CDK14: variants seen among roughly 807,000 people sequenced by gnomAD.
The protein encoded by CDK14 is cyclin-dependent kinase 14.
CDK14 carries 34 observed loss-of-function variants against 60.7 expected under a neutral mutation model. The ratio of observed to expected loss-of-function variants is 0.56; its 90% CI spans 0.43 to 0.75. The LOEUF is 0.75. Among genes scored for constraint, CDK14 ranks in the 30% least tolerant of loss-of-function variants. The probability of loss-of-function intolerance (pLI) is 0.00; values close to 1 mark genes in which losing one functional copy is unlikely to be tolerated. For synonymous variants in CDK14, 197 were observed against 203.7 expected, an observed-to-expected ratio of 0.97 and a Z score of 0.28; for missense variants, 482 against 564.1, an observed-to-expected ratio of 0.85 and a Z score of 1.47.
intron 14 of CDK14, among the ~76,000 whole-genome samples, chr7:91,177,559 C>T (rs1184270005): frequency 6.6e-6 from 1 of 152,098 alleles, no homozygotes; most frequent in Admixed American, 6.6e-5. Flanking sequence ...ATCTAGAAAA[C>T]CCCATTGTCT....
At chr7:91,078,999 A>G (rs748298946) in intron 11 of CDK14, among the ~76,000 whole-genome samples, 8 of 152,232 alleles carry the variant, frequency 5.3e-5, no homozygotes, top group African/African-American at 2.4e-5. Flanking sequence ...TATAAATACC[A>G]TACAATATAG....
intron 11 of CDK14, 58 bp from the exon 12 acceptor site, chr7:91,079,374 A>C: frequency 8.5e-7 from 1 of 1,179,402 alleles, no homozygotes; most frequent in Non-Finnish European, 1.2e-6. Flanking sequence ...TTTTCAACAT[A>C]CTTGTAATAT....
intron 14 of CDK14, among the ~76,000 whole-genome samples, chr7:91,166,582 G>C (rs774803768): frequency 6.6e-6 from 1 of 152,092 alleles, no homozygotes; most frequent in Non-Finnish European, 1.5e-5. Flanking sequence ...AACCTAGAAG[G>C]GATCATAATG....
At chr7:90,669,362 T>A (rs1293914151) in intron 2 of CDK14, among the ~76,000 whole-genome samples, 3 of 152,230 alleles carry the variant, frequency 2.0e-5, no homozygotes, top group African/African-American at 7.2e-5. Flanking sequence ...ACCCACAGTT[T>A]AGTCTACAGA....
intron 12 of CDK14, among the ~76,000 whole-genome samples, chr7:91,082,789 G>A (rs560310541): frequency 2.6e-5 from 4 of 152,114 alleles, no homozygotes; most frequent in South Asian, 2.1e-4. Flanking sequence ...AATAATATTC[G>A]GAGGAATAAC....
chr7:91,156,900 C>T (rs2115720176), intron 14 of CDK14, among the ~76,000 whole-genome samples: 1 of 152,240 alleles, frequency 6.6e-6, no homozygotes, highest in Admixed American at 6.5e-5. Flanking sequence ...GTTTGAAATG[C>T]CATTTTTGGA....
chr7:91,075,992 T>C (rs775528895), intron 11 of CDK14, among the ~76,000 whole-genome samples: 6 of 151,878 alleles, frequency 4.0e-5, no homozygotes, highest in Non-Finnish European at 7.4e-5. Flanking sequence ...TGGAAAAACA[T>C]TCCATGCTCG....
chr7:91,055,521 C>T (rs1355330197), intron 11 of CDK14, among the ~76,000 whole-genome samples: 1 of 152,156 alleles, frequency 6.6e-6, no homozygotes, highest in African/African-American at 2.4e-5. Flanking sequence ...TGAAGTTCTA[C>T]TGATAGCAGA....
chr7:90,793,214 T>C (rs1013631086), intron 5 of CDK14, among the ~76,000 whole-genome samples: 17 of 152,202 alleles, frequency 1.1e-4, no homozygotes, highest in African/African-American at 4.1e-4. Context: ...ATCATTAGGT[T>C]AGAATCTATA....
At chr7:90,938,763 A>G (rs950973003) in intron 8 of CDK14, among the ~76,000 whole-genome samples, 1 of 152,210 alleles carries the variant, frequency 6.6e-6, no homozygotes, top group Admixed American at 6.5e-5. Context: ...AATTGATATT[A>G]TAAAGGATAT....
rs926858161 is a variant in CDK14, at chr7:90,765,412, C to G, written c.464+17637C>G. ...CAGAAGGGATGAAATAACAGACCACCAATATTTAGAGCTGGGCAAAGAGAG... is the reference window on the plus strand; with the variant it reads ...CAGAAGGGATGAAATAACAGACCACGAATATTTAGAGCTGGGCAAAGAGAG... On this transcript the variant is annotated intron_variant, in intron 4 of 14. Transcript: ENST00000380050. Among the ~76,000 whole-genome samples, 3 of 151,910 alleles carry G rather than the reference C, an allele frequency of 2.0e-5. No homozygotes were observed. In the South Asian group the frequency reaches 6.2e-4, roughly 32 times the overall value.
intron 10 of CDK14, among the ~76,000 whole-genome samples, chr7:91,030,879 G>A (rs1162343422): frequency 6.6e-6 from 1 of 152,166 alleles, no homozygotes; most frequent in Non-Finnish European, 1.5e-5. Context: ...TCCCTTGGCT[G>A]GAGTTGCTGC....
intron 14 of CDK14, among the ~76,000 whole-genome samples, chr7:91,171,994 G>T (rs1208597709): frequency 6.6e-6 from 1 of 152,108 alleles, no homozygotes; most frequent in African/African-American, 2.4e-5. Flanking sequence ...CAGTTGATTA[G>T]ATTTTTAAAT....
At chr7:91,130,976 G>A (rs368861140) in intron 14 of CDK14, among the ~76,000 whole-genome samples, 15 of 152,174 alleles carry the variant, frequency 9.9e-5, no homozygotes, top group Admixed American at 3.3e-4. Context: ...TTTTCCCGCC[G>A]AGCTCCCATG....
intron 2 of CDK14, among the ~76,000 whole-genome samples, chr7:90,693,457 A>G (rs1050831952): frequency 6.6e-6 from 1 of 152,202 alleles, no homozygotes; most frequent in Non-Finnish European, 1.5e-5. Flanking sequence ...TTGTGTCTTT[A>G]TAATGAATAG....
intron 4 of CDK14, among the ~76,000 whole-genome samples, chr7:90,780,585 C>A (rs1202888881): frequency 1.6e-5 from 2 of 126,670 alleles, no homozygotes; most frequent in Admixed American, 1.8e-4. Flanking sequence ...CTCCCCCCAC[C>A]CCACAACATT....
At chr7:90,733,292 C>G (rs995873438) in intron 3 of CDK14, among the ~76,000 whole-genome samples, 3 of 152,070 alleles carry the variant, frequency 2.0e-5, no homozygotes, top group Non-Finnish European at 2.9e-5. Flanking sequence ...TGATGTGGTG[C>G]TGAGAGGAAT....
intron 5 of CDK14, among the ~76,000 whole-genome samples, chr7:90,825,375 A>G (rs1035227867): frequency 2.0e-5 from 3 of 152,188 alleles, no homozygotes; most frequent in African/African-American, 7.2e-5. Context: ...CCTCCAAGAA[A>G]AGTTATGTAT....
At chr7:90,721,796 C>A (rs1279576082) in intron 2 of CDK14, among the ~76,000 whole-genome samples, 1 of 152,094 alleles carries the variant, frequency 6.6e-6, no homozygotes. Flanking sequence ...ATTTGACATT[C>A]CGTACTTCTG....
Sources: gnomAD v4.1 joint callset for allele counts (sites outside exome capture counted in the v4.1 genomes callset) on GRCh38, gnomAD v4.1.1 for gene constraint, MANE v1.5 for transcripts, NCBI Gene and HGNC (gene_info 2026-07-23, HGNC 2026-07-21) for gene names.